The following P4HA1 variants were observed in gnomAD, a reference collection of about 807,000 sequenced individuals.
P4HA1 encodes prolyl 4-hydroxylase subunit alpha-1.
P4HA1 carries 24 observed loss-of-function variants against 72.8 expected under a neutral mutation model. The observed-to-expected ratio is 0.33, with a 90% CI of 0.24 to 0.46. The LOEUF (loss-of-function observed/expected upper bound fraction) is 0.46. Among genes scored for constraint, P4HA1 ranks in the 20% least tolerant of loss-of-function variants. P4HA1 has a pLI of 1.00. For synonymous variants in P4HA1, 201 were observed against 218.8 expected, an observed-to-expected ratio of 0.92 and a Z score of 0.72; for missense variants, 446 against 640.6, an observed-to-expected ratio of 0.70 and a Z score of 3.28.
intron 5 of P4HA1, among the ~76,000 whole-genome samples, chr10:73,067,069 T>C (rs771731469): frequency 1.8e-4 from 27 of 152,156 alleles, no homozygotes; most frequent in Non-Finnish European, 2.6e-4. Context: ...GGAATTGCTA[T>C]GCTGCCCAGG....
chr10:73,016,701 C>G, intron 11 of P4HA1, 145 bp downstream of exon 11: 1 of 481,268 alleles, frequency 2.1e-6, no homozygotes. Context: ...TGCTCCAACC[C>G]AGGAGGCAGA....
intron 10 of P4HA1, among the ~76,000 whole-genome samples, chr10:73,018,057 G>C (rs1482634810): frequency 6.6e-6 from 1 of 152,164 alleles, no homozygotes; most frequent in African/African-American, 2.4e-5. Context: ...TTGAAGGCCT[G>C]ACATTCCCAA....
In P4HA1 at chr10:73,064,983, T is replaced by C. The variant is rs1043122203; in HGVS notation, c.463+3863A>G. 2.0e-5 allele frequency: 3 copies of C among 152,336 alleles called. No homozygotes were observed. In the East Asian group the frequency reaches 5.8e-4, roughly 29 times the overall value. The allele number at this position is 152,336 out of a possible 1,614,324, so 9.4% of individuals were successfully genotyped here. On this transcript the variant is annotated intron_variant, in intron 5 of 14. Transcript: ENST00000394890. The stretch of plus-strand genomic sequence containing the variant: ...GGATCAAAACTTAATTTGTAAGGGA[T>C]AATTATGTTTAAAATGCACACACTT...
rs998283300 is a variant in P4HA1 at position 73,016,777 on chromosome 10, T to A, written c.1302+69A>T. The A allele has an allele frequency of 4.2e-6, 5 of 1,193,008 alleles. No individual in the cohort carries two copies. The East Asian group carries it at 1.2e-4, about 28-fold the overall frequency. The allele number at this position is 1,193,008 out of a possible 1,614,324, so 73.9% of individuals were successfully genotyped here. A position where few individuals can be genotyped will look rare whatever the true frequency, so the allele number is the denominator to read the frequency against. ...GGGTGACAGAGTGAGACTGTTTTTT[T>A]GTTTTGTTTTGAGACAAACAATGTA... On this transcript the variant is annotated intron_variant, in intron 11 of 14. Coordinates refer to ENST00000394890, the MANE Select transcript of P4HA1 (RefSeq NM_001017962.3).
chr10:73,084,970 T>C (rs1275268559), intron 1 of P4HA1, among the ~76,000 whole-genome samples: 1 of 152,000 alleles, frequency 6.6e-6, no homozygotes, highest in Non-Finnish European at 1.5e-5. Flanking sequence ...TGAAACCCAG[T>C]CTTTACAAAA....
intron 1 of P4HA1, among the ~76,000 whole-genome samples, chr10:73,084,306 G>A (rs1289721614): frequency 6.6e-6 from 1 of 152,156 alleles, no homozygotes; most frequent in Non-Finnish European, 1.5e-5. Context: ...AAGACTAATT[G>A]TATTGTTTGG....
At chr10:73,030,421 G>T (rs147091057) in intron 9 of P4HA1, 51 bp from the exon 10 acceptor site, 19 of 902,598 alleles carry the variant, frequency 2.1e-5, no homozygotes, top group Non-Finnish European at 3.1e-5. Context: ...ATTACATGGA[G>T]ACTAATAGCT....
At chr10:73,086,289 C>T (rs970902013) in intron 1 of P4HA1, among the ~76,000 whole-genome samples, 5 of 152,192 alleles carry the variant, frequency 3.3e-5, no homozygotes, top group Non-Finnish European at 7.3e-5. Flanking sequence ...CCCAAATATC[C>T]ATTAGTGGGT....
At chr10:73,026,894 TGA>T (rs1380727012) in intron 10 of P4HA1, among the ~76,000 whole-genome samples, 1 of 152,156 alleles carries the variant, frequency 6.6e-6, no homozygotes, top group Non-Finnish European at 1.5e-5. Context: ...AAAACCACAA[TGA>T]GATACCATCT....
intron 9 of P4HA1, among the ~76,000 whole-genome samples, chr10:73,030,644 T>C (rs552365586): frequency 1.3e-5 from 2 of 152,276 alleles, no homozygotes; most frequent in East Asian, 1.9e-4. Flanking sequence ...AAGGAGGCTA[T>C]ATTGAAAGCC....
chr10:73,028,431 A>G (rs1450278240), intron 10 of P4HA1, among the ~76,000 whole-genome samples: 1 of 151,578 alleles, frequency 6.6e-6, no homozygotes, highest in African/African-American at 2.4e-5. Flanking sequence ...TTAACAGTTT[A>G]TTTATTTATT....
At chr10:73,051,008 TACAC>T in intron 7 of P4HA1, 41 bp downstream of exon 7, 2 of 1,345,224 alleles carry the variant, frequency 1.5e-6, no homozygotes, top group Admixed American at 1.8e-5. Flanking sequence ...TACAAACACA[TACAC>T]ACACACATTC....
intron 12 of P4HA1, among the ~76,000 whole-genome samples, chr10:73,011,721 C>G (rs1431698761): frequency 6.6e-6 from 1 of 152,052 alleles, no homozygotes; most frequent in East Asian, 1.9e-4. Context: ...AATGTATAGA[C>G]TGATTAGATC....
intron 1 of P4HA1, among the ~76,000 whole-genome samples, chr10:73,077,241 T>C (rs1190058190): frequency 6.6e-6 from 1 of 152,254 alleles, no homozygotes; most frequent in East Asian, 1.9e-4. Context: ...TAAATGCTAT[T>C]TGCAGAAAAT....
At chr10:73,064,817 G>T (rs183724089) in intron 5 of P4HA1, among the ~76,000 whole-genome samples, 14 of 152,240 alleles carry the variant, frequency 9.2e-5, no homozygotes, top group African/African-American at 3.4e-4. Flanking sequence ...TCCAGCCTGG[G>T]TAACAGAGTG....
At chr10:73,096,557 C>T (rs896631685) in intron 1 of P4HA1, among the ~76,000 whole-genome samples, 2 of 152,172 alleles carry the variant, frequency 1.3e-5, no homozygotes, top group South Asian at 2.1e-4. Flanking sequence ...GGAAGGGGGG[C>T]ACGAAGGAGC....
chr10:73,043,406 T>A lies in P4HA1; in HGVS notation c.1148+1575A>T, dbSNP rs528147807. ...CTCTAAGTTACACAGTGAGCTCTTT[T>A]TAAAAAACATTTTAGTGATCAATCA... On this transcript the variant is annotated intron_variant, in intron 9 of 14. Coordinates refer to ENST00000394890, the MANE Select transcript of P4HA1 (RefSeq NM_001017962.3). 5.3e-5 allele frequency among the ~76,000 whole-genome samples: 8 copies of A among 152,350 alleles called. No individual in the cohort carries two copies. In the East Asian group the frequency reaches 1.5e-3, roughly 29 times the overall value.
At chr10:73,072,424 C>A (rs573342444) in intron 3 of P4HA1, among the ~76,000 whole-genome samples, 3 of 152,190 alleles carry the variant, frequency 2.0e-5, no homozygotes, top group East Asian at 1.9e-4. Flanking sequence ...GTAAATGGAA[C>A]CTCCCTGTCT....
At chr10:73,017,744 A>G (rs2133040892) in intron 10 of P4HA1, among the ~76,000 whole-genome samples, 1 of 152,338 alleles carries the variant, frequency 6.6e-6, no homozygotes, top group East Asian at 1.9e-4. Context: ...TGACGCACCA[A>G]AATTTAAGAA....
Sources: gnomAD v4.1 joint callset for allele counts (sites outside exome capture counted in the v4.1 genomes callset) on GRCh38, gnomAD v4.1.1 for gene constraint, MANE v1.5 for transcripts, NCBI Gene and HGNC (gene_info 2026-07-23, HGNC 2026-07-21) for gene names.